Variants in RPS6 observed in about 807,000 individuals in gnomAD.
RPS6 encodes the protein ribosomal protein S6, also known as small ribosomal subunit protein eS6.
Under a neutral mutation model 27.1 loss-of-function variants are expected in RPS6, and 1 was observed. That is an observed-to-expected ratio of 0.04 (90% confidence interval 0.01 to 0.18). RPS6 has a LOEUF of 0.18. Among genes scored for constraint, RPS6 ranks in the 10% least tolerant of loss-of-function variants. RPS6 has a pLI of 1.00. For missense variants in RPS6, 259 were observed against 319.1 expected (o/e 0.81, Z 1.44); for synonymous variants, 152 against 106.0 (o/e 1.43, Z -2.66).
chr9:19,376,593 C>G lies in RPS6; in HGVS notation c.555G>C (p.Leu185=), dbSNP rs773206177. The G allele has an allele frequency of 1.9e-6, 3 of 1,614,194 alleles. No homozygotes were observed. Among genetic ancestry groups the G allele is most frequent in the South Asian group, 2.2e-5 (2 of 91,082 alleles). The change falls in exon 5 of 6, where the codon CTG becomes CTC. Residue 185 remains leucine (L), a synonymous_variant. Coordinates refer to ENST00000380394, the MANE Select transcript of RPS6 (RefSeq NM_001010.3). Reference sequence around the variant, plus strand: ...GAGCAATACGCCGCCGTTTGTGCTGCAGGACACGTGGAGTAACAAGACGCT... The same window carrying G: ...GAGCAATACGCCGCCGTTTGTGCTGGAGGACACGTGGAGTAACAAGACGCT... ...KIQRLVTPRV[L]QHKRRRIALK...
chr9:19,377,426 A>G (rs1829607035), intron 4 of RPS6, among the ~76,000 whole-genome samples: 1 of 149,212 alleles, frequency 6.7e-6, no homozygotes. Flanking sequence ...CAGCTTCATA[A>G]GGGTAGGAAT....
intron 4 of RPS6, among the ~76,000 whole-genome samples, chr9:19,377,586 G>A (rs958201426): frequency 3.9e-5 from 6 of 152,188 alleles, no homozygotes; most frequent in Admixed American, 2.6e-4. Context: ...TTCAAATTTT[G>A]TCAGGAAAAC....
intron 2 of RPS6, chr9:19,379,236 T>C: frequency 1.5e-6 from 2 of 1,330,260 alleles, no homozygotes; most frequent in Admixed American, 2.8e-5. Context: ...TGAGGACAGC[T>C]ATGTGACATA....
At chr9:19,379,327 C>A (rs940538411) in intron 2 of RPS6, 160 bp downstream of exon 2, 2 of 1,517,566 alleles carry the variant, frequency 1.3e-6, no homozygotes, top group East Asian at 2.5e-5. Flanking sequence ...ACGTCCCCCC[C>A]TCCAAGGTAA....
rs1829631465 is a variant in RPS6, at chr9:19,378,850, G to T, written c.207C>A (p.Thr69=). The T allele has an allele frequency of 2.5e-6, 4 of 1,614,156 alleles. No individual in the cohort carries two copies. The highest frequency in any genetic ancestry group is 1.1e-5 in the South Asian group (1 of 91,076). ...TCAGTAGCAGGCGGACACGGCCATGGGTCAAGACACCCTGCTTCATGGGGA... is the reference window on the plus strand; with the variant it reads ...TCAGTAGCAGGCGGACACGGCCATGTGTCAAGACACCCTGCTTCATGGGGA... ...QGFPMKQGVL[T]HGRVRLLLSK... is the part of the protein sequence containing the mutation. Residue 69 remains threonine (T), a synonymous_variant, in exon 3 of 6, where the codon ACC becomes ACA. Coordinates refer to ENST00000380394, the MANE Select transcript of RPS6 (RefSeq NM_001010.3).
At chr9:19,379,218 G>A in intron 2 of RPS6, 10 of 1,223,142 alleles carry the variant, frequency 8.2e-6, no homozygotes, top group Non-Finnish European at 1.0e-5. Flanking sequence ...TTGGCACTTT[G>A]GGGATTATGA....
In RPS6 at chr9:19,380,184, A is replaced by T. The variant is rs745762926; in HGVS notation, c.6+6T>A. On this transcript the variant is annotated splice_donor_region_variant and intron_variant, in intron 1 of 5. Transcript: ENST00000380394. ...ACCCAGTCTAACACTCGCCACCATC[A>T]CCTACCTTCATCTTGAAGCAGCTGA... 1 of 1,614,018 alleles carries T rather than the reference A, an allele frequency of 6.2e-7. No homozygotes were observed. The highest frequency in any genetic ancestry group is 8.5e-7 in the Non-Finnish European group (1 of 1,179,984).
At chr9:19,379,387 G>C in intron 2 of RPS6, 100 bp downstream of exon 2, 1 of 1,565,194 alleles carries the variant, frequency 6.4e-7, no homozygotes, top group Non-Finnish European at 8.7e-7. Context: ...CCAAAGGTCA[G>C]AAGCCAGAAC....
rs767919541 is a variant in RPS6 at position 19,379,618 on chromosome 9, G to A, written c.7C>T (p.Leu3=). 3.7e-6 allele frequency: 6 copies of A among 1,612,918 alleles called. No homozygotes were observed. In the Admixed American group the frequency reaches 6.7e-5, roughly 18 times the overall value. The change falls in exon 2 of 6, where the codon CTG becomes TTG. Residue 3 remains leucine, a splice_region_variant and synonymous_variant. Coordinates refer to ENST00000380394, the MANE Select transcript of RPS6 (RefSeq NM_001010.3). MK[L]NISFPATGCQ... is the part of the protein sequence containing the mutation. ...CCAGTGGCTGGGAAGGAGATGTTCAGCTAAGGATTAAAAGGGGGGAAATAG... is the reference window on the plus strand; with the variant it reads ...CCAGTGGCTGGGAAGGAGATGTTCAACTAAGGATTAAAAGGGGGGAAATAG...
intron 1 of RPS6, 199 bp from the exon 2 acceptor site, chr9:19,379,817 T>A: frequency 3.5e-6 from 5 of 1,428,284 alleles, no homozygotes; most frequent in Non-Finnish European, 4.6e-6. Context: ...AGCAGGACGT[T>A]TTCCCCTCAA....
At chr9:19,379,897 G>A in intron 1 of RPS6, 2 of 1,423,378 alleles carry the variant, frequency 1.4e-6, no homozygotes, top group East Asian at 5.1e-5. Flanking sequence ...AGAAAGCCGG[G>A]GTCAAGAGCC....
At chr9:19,379,678 C>T in intron 1 of RPS6, 60 bp from the exon 2 acceptor site, 2 of 1,541,020 alleles carry the variant, frequency 1.3e-6, no homozygotes, top group South Asian at 2.5e-5. Flanking sequence ...ATTGTAGAGC[C>T]ATCTACAAAG....
In RPS6 at chr9:19,379,806, C is replaced by G. The variant is rs542259344; in HGVS notation, c.7-188G>C. Reference sequence around the variant, plus strand: ...AGTAGCAGTCAAGAAGCGCCGCACTCAGCAGGACGTTTTCCCCTCAAGCCC... The same window carrying G: ...AGTAGCAGTCAAGAAGCGCCGCACTGAGCAGGACGTTTTCCCCTCAAGCCC... On this transcript the variant is annotated intron_variant, in intron 1 of 5. Coordinates refer to ENST00000380394, the MANE Select transcript of RPS6 (RefSeq NM_001010.3). 226 of 1,434,756 alleles carry G rather than the reference C, an allele frequency of 1.6e-4. 1 individual carries two copies. The East Asian group carries it at 4.3e-3, about 28-fold the overall frequency. The allele number at this position is 1,434,756 out of a possible 1,614,324, so 88.9% of individuals were successfully genotyped here.
chr9:19,376,718 C>G (rs1829594428), intron 4 of RPS6, 67 bp from the exon 5 acceptor site: 1 of 1,486,606 alleles, frequency 6.7e-7, no homozygotes, highest in South Asian at 1.3e-5. Context: ...ACTTTAAAAA[C>G]ATCAGAAATA....
chr9:19,379,691 A>C, intron 1 of RPS6, 73 bp from the exon 2 acceptor site: 11 of 1,530,566 alleles, frequency 7.2e-6, no homozygotes, highest in South Asian at 1.3e-5. Flanking sequence ...CTACAAAGTT[A>C]ATTCCACTGC....
chr9:19,378,747 C>T lies in RPS6; in HGVS notation c.310G>A (p.Ala104Thr). Residue 104 changes from alanine to threonine, a missense_variant, in exon 3 of 6, where the codon GCA (alanine) becomes ACA (threonine). Ala to Thr is a moderately conservative substitution (Grantham distance 58). Transcript: ENST00000380394. ...RKSVRGCIVD[A>T]NLSVLNLVIV... ...ACCAAGTTGAGAACGCTCAGATTTG[C>T]ATCCACAATGCAACCACGAACTGAT... 4 of 1,614,108 alleles carry T rather than the reference C, an allele frequency of 2.5e-6. No homozygotes were observed. The highest frequency in any genetic ancestry group is 3.4e-6 in the Non-Finnish European group (4 of 1,179,984).
At chr9:19,376,695 A>G (rs755093923) in intron 4 of RPS6, 44 bp from the exon 5 acceptor site, 6 of 1,567,118 alleles carry the variant, frequency 3.8e-6, no homozygotes, top group African/African-American at 1.4e-5. Flanking sequence ...TTGTTTTGTT[A>G]GAATCCACAT....
rs775039096 is a variant in RPS6 at position 19,380,167 on chromosome 9, T to C, written c.6+23A>G. The C allele has an allele frequency of 5.6e-6, 9 of 1,613,986 alleles. No individual in the cohort carries two copies. The Admixed American group carries it at 1.0e-4, about 18-fold the overall frequency. ...CGATTCACGTTCCCCAAACCCAGTC[T>C]AACACTCGCCACCATCACCTACCTT... On this transcript the variant is annotated intron_variant, in intron 1 of 5. Transcript: ENST00000380394.
Position 19,380,218 on chromosome 9 carries a change from G to T in RPS6, c.-23C>A, listed in dbSNP as rs756121963. On this transcript the variant is annotated 5_prime_UTR_variant, in exon 1 of 6. Transcript: ENST00000380394. ...CATCTTGAAGCAGCTGAACGCCTCC[G>T]AGGCGCCACGGAAAAGAGGGCCAAC... The T allele has an allele frequency of 6.2e-7, 1 of 1,613,138 alleles. No homozygotes were observed. The highest frequency in any genetic ancestry group is 8.5e-7 in the Non-Finnish European group (1 of 1,179,142).
Sources: gnomAD v4.1 joint callset for allele counts (sites outside exome capture counted in the v4.1 genomes callset) on GRCh38, gnomAD v4.1.1 for gene constraint, MANE v1.5 for transcripts, NCBI Gene and HGNC (gene_info 2026-07-23, HGNC 2026-07-21) for gene names.